ADAMTSL1: variants seen among roughly 807,000 people sequenced by gnomAD.
The protein encoded by ADAMTSL1 is ADAMTS-like protein 1.
In ADAMTSL1, 126 loss-of-function variants were observed where a neutral mutation model predicts 201.8. That is an observed-to-expected ratio of 0.62 (90% CI 0.54 to 0.72). The LOEUF (loss-of-function observed/expected upper bound fraction) is 0.72, where lower values mean the gene tolerates loss of function less well. Ranked by LOEUF, ADAMTSL1 falls within the 30% of genes least tolerant of loss-of-function variation. The pLI is 0.00. For missense variants in ADAMTSL1, 2,679 were observed against 2,277.8 expected (o/e 1.18, Z -3.59); for synonymous variants, 1,121 against 903.4 (o/e 1.24, Z -4.32).
At chr9:18,101,432 A>T (rs1479778967) in intron 1 of ADAMTSL1, among the ~76,000 whole-genome samples, 2 of 151,224 alleles carry the variant, frequency 1.3e-5, no homozygotes, top group Non-Finnish European at 2.9e-5. Context: ...CAGGAGGCGG[A>T]GGTTGCAGTG....
chr9:18,168,328 A>G (rs575345259), intron 2 of ADAMTSL1, among the ~76,000 whole-genome samples: 1 of 152,144 alleles, frequency 6.6e-6, no homozygotes, highest in Admixed American at 6.5e-5. Context: ...TCCTGTGTCC[A>G]TGAGTTCTCA....
chr9:18,378,556 A>T (rs563740012), intron 2 of ADAMTSL1, among the ~76,000 whole-genome samples: 1 of 152,320 alleles, frequency 6.6e-6, no homozygotes, highest in Non-Finnish European at 1.5e-5. Context: ...CATGATGCTG[A>T]AGTAGATCCA....
chr9:18,143,844 T>C (rs182013208), intron 1 of ADAMTSL1, among the ~76,000 whole-genome samples: 18 of 152,322 alleles, frequency 1.2e-4, no homozygotes, highest in Admixed American at 1.1e-3. Context: ...AAGCCACATT[T>C]CCTTCACAGA....
chr9:18,416,799 A>T (rs1194161540), intron 2 of ADAMTSL1, among the ~76,000 whole-genome samples: 1 of 152,042 alleles, frequency 6.6e-6, no homozygotes, highest in Non-Finnish European at 1.5e-5. Flanking sequence ...GTAAAACCCC[A>T]GGAGAAATAA....
intron 1 of ADAMTSL1, among the ~76,000 whole-genome samples, chr9:18,160,358 T>C (rs1050846244): frequency 5.3e-5 from 8 of 151,908 alleles, no homozygotes; most frequent in Admixed American, 5.2e-4. Flanking sequence ...GAGTGAATAA[T>C]GGGGGTTGAA....
intron 2 of ADAMTSL1, among the ~76,000 whole-genome samples, chr9:18,366,045 G>T (rs753598831): frequency 6.8e-4 from 103 of 152,122 alleles, no homozygotes; most frequent in Non-Finnish European, 1.2e-3. Flanking sequence ...TGACAAAAAG[G>T]TTGGGGACCA....
At chr9:18,123,636 C>A (rs534259064) in intron 1 of ADAMTSL1, among the ~76,000 whole-genome samples, 28 of 152,196 alleles carry the variant, frequency 1.8e-4, no homozygotes, top group Admixed American at 6.5e-4. Context: ...CATAAGATTT[C>A]CCTATTGTAA....
chr9:18,457,121 C>CTT, intron 2 of ADAMTSL1, among the ~76,000 whole-genome samples: 1 of 152,248 alleles, frequency 6.6e-6, no homozygotes, highest in South Asian at 2.1e-4. Flanking sequence ...CAGTGAAAAA[C>CTT]TACTTTTCTA....
At chr9:18,731,311 C>A (rs117966828) in intron 15 of ADAMTSL1, among the ~76,000 whole-genome samples, 1,653 of 152,282 alleles carry the variant, frequency 0.011, 12 homozygotes, top group Non-Finnish European at 0.019. Context: ...TTGCTATAAA[C>A]AAATACCTAA....
chr9:17,967,033 G>A (rs1315302648), intron 1 of ADAMTSL1, among the ~76,000 whole-genome samples: 1 of 152,058 alleles, frequency 6.6e-6, no homozygotes, highest in African/African-American at 2.4e-5. Flanking sequence ...CAGGTTGACT[G>A]AAATCAGATA....
chr9:18,586,962 T>C (rs890047624), intron 4 of ADAMTSL1, among the ~76,000 whole-genome samples: 1 of 152,020 alleles, frequency 6.6e-6, no homozygotes, highest in Non-Finnish European at 1.5e-5. Flanking sequence ...GATTAAAGAC[T>C]TAAATGTAAA....
chr9:18,665,661 C>CGA (rs1196973954), intron 9 of ADAMTSL1, among the ~76,000 whole-genome samples: 2 of 152,024 alleles, frequency 1.3e-5, no homozygotes, highest in African/African-American at 4.8e-5. Flanking sequence ...CTTTTGTTCC[C>CGA]ACCATCTTCT....
intron 2 of ADAMTSL1, among the ~76,000 whole-genome samples, chr9:18,425,559 A>T (rs1339615932): frequency 6.6e-6 from 1 of 152,180 alleles, no homozygotes; most frequent in Non-Finnish European, 1.5e-5. Flanking sequence ...GGGTTTAAAA[A>T]AGAAAATTCT....
rs934240093 is a variant in ADAMTSL1 at position 18,451,675 on chromosome 9, G to T, written c.208-53154G>T. ...CTCTATCTGAACTCGTTGTTTTGTT[G>T]CACACAGTTCTTCTTCAAGCCTGAA... On this transcript the variant is annotated intron_variant, in intron 2 of 29. Coordinates refer to the ADAMTSL1 transcript ENST00000680146. 4.6e-5 allele frequency among the ~76,000 whole-genome samples: 7 copies of T among 152,150 alleles called. No individual in the cohort carries two copies. The East Asian group carries it at 1.3e-3, about 29-fold the overall frequency.
At chr9:18,400,406 T>A (rs1817940982) in intron 2 of ADAMTSL1, among the ~76,000 whole-genome samples, 1 of 152,192 alleles carries the variant, frequency 6.6e-6, no homozygotes, top group South Asian at 2.1e-4. Flanking sequence ...ACTCAGTATT[T>A]GTAATGTCAT....
At chr9:18,864,972 T>TA (rs141251357) in intron 23 of ADAMTSL1, among the ~76,000 whole-genome samples, 7 of 151,564 alleles carry the variant, frequency 4.6e-5, no homozygotes, top group South Asian at 4.2e-4. Flanking sequence ...TGTTTAAGAT[T>TA]AAAAAAAAAT....
chr9:18,482,925 T>C (rs1821802597), intron 1 of ADAMTSL1, among the ~76,000 whole-genome samples: 1 of 152,220 alleles, frequency 6.6e-6, no homozygotes, highest in South Asian at 2.1e-4. Context: ...TTCCCTGATA[T>C]ACTACACACT....
At chr9:18,392,599 T>A (rs1417042) in intron 2 of ADAMTSL1, among the ~76,000 whole-genome samples, 127,246 of 152,202 alleles carry the variant, frequency 0.84, 53,289 homozygotes, top group East Asian at 0.96. Context: ...CTGGACATCC[T>A]TTCCAGGCTA....
chr9:18,873,888 G>C (rs1286305865), intron 23 of ADAMTSL1, among the ~76,000 whole-genome samples: 1 of 152,174 alleles, frequency 6.6e-6, no homozygotes, highest in South Asian at 2.1e-4. Flanking sequence ...ACTTTTGGCA[G>C]TATGGTCATT....
Sources: gnomAD v4.1 joint callset for allele counts (sites outside exome capture counted in the v4.1 genomes callset) on GRCh38, gnomAD v4.1.1 for gene constraint, MANE v1.5 for transcripts, NCBI Gene and HGNC (gene_info 2026-07-23, HGNC 2026-07-21) for gene names.